ZBTB7C: variants seen among roughly 807,000 people sequenced by gnomAD.
ZBTB7C encodes the protein zinc finger and BTB domain containing 7C, also known as zinc finger and BTB domain-containing protein 7C.
ZBTB7C carries 8 observed loss-of-function variants against 25.7 expected under a neutral mutation model. The ratio of observed to expected loss-of-function variants is 0.31; its 90% CI spans 0.18 to 0.56. The LOEUF (loss-of-function observed/expected upper bound fraction) is 0.56. Among genes scored for constraint, ZBTB7C ranks in the 20% least tolerant of loss-of-function variants. The pLI is 0.91. For missense variants in ZBTB7C, 824 were observed against 855.2 expected, an observed-to-expected ratio of 0.96 and a Z score of 0.46; for synonymous variants, 394 against 369.0, an observed-to-expected ratio of 1.07 and a Z score of -0.78.
chr18:48,031,485 G>C (rs1027311316), intron 4 of ZBTB7C, among the ~76,000 whole-genome samples: 1 of 152,148 alleles, frequency 6.6e-6, no homozygotes, highest in Non-Finnish European at 1.5e-5. Context: ...AGCATGCTGT[G>C]GTCTCTGTAA....
At chr18:48,278,144 T>C (rs575572219) in intron 2 of ZBTB7C, among the ~76,000 whole-genome samples, 2 of 152,348 alleles carry the variant, frequency 1.3e-5, no homozygotes, top group Admixed American at 1.3e-4. Context: ...CCAATGACCT[T>C]CTGGGCTTGA....
chr18:48,124,250 G>C (rs541525110), intron 3 of ZBTB7C, among the ~76,000 whole-genome samples: 28 of 152,338 alleles, frequency 1.8e-4, no homozygotes, highest in South Asian at 4.1e-4. Flanking sequence ...CAACCCTCAG[G>C]CAAGCCTGGG....
chr18:48,392,208 C>T lies in ZBTB7C; in HGVS notation c.-304+17018G>A, dbSNP rs537092951. 3.9e-5 allele frequency among the ~76,000 whole-genome samples: 6 copies of T among 152,354 alleles called. No homozygotes were observed. The South Asian group carries it at 1.2e-3, about 32-fold the overall frequency. On this transcript the variant is annotated intron_variant, in intron 1 of 4. Coordinates refer to ENST00000590800, the MANE Select transcript of ZBTB7C (RefSeq NM_001318841.2). The stretch of plus-strand genomic sequence containing the variant: ...GTCCCCTTTCAAAGCACAAGATCTT[C>T]CCTTCCCACCACACATTGGGTGTCT...
chr18:48,151,287 G>A (rs1304953313), intron 3 of ZBTB7C, among the ~76,000 whole-genome samples: 1 of 152,076 alleles, frequency 6.6e-6, no homozygotes, highest in African/African-American at 2.4e-5. Flanking sequence ...CTCTACTCTG[G>A]GACACCGGGA....
At position 48,226,269 on chromosome 18, in the gene ZBTB7C, C is replaced by T. The variant is rs1391839242; in HGVS notation, c.-78-40274G>A. Among the ~76,000 whole-genome samples the T allele has an allele frequency of 2.0e-5, 3 of 152,238 alleles. No homozygotes were observed. In the East Asian group the frequency reaches 5.8e-4, roughly 29 times the overall value. Reference sequence around the variant, plus strand: ...GCTAACTGATACAGGTAGATCCCTTCATCCAGGAAACACCTCCAGGTGTCC... The same window carrying T: ...GCTAACTGATACAGGTAGATCCCTTTATCCAGGAAACACCTCCAGGTGTCC... On this transcript the variant is annotated intron_variant, in intron 2 of 4. Transcript: ENST00000590800.
intron 1 of ZBTB7C, chr18:48,346,846 G>C (rs936683494): frequency 6.6e-6 from 1 of 151,786 alleles, no homozygotes; most frequent in African/African-American, 2.4e-5. Context: ...GTGCACTGGT[G>C]GGATCTTGGG....
At chr18:48,076,305 A>G (rs1205542110) in intron 3 of ZBTB7C, among the ~76,000 whole-genome samples, 1 of 152,148 alleles carries the variant, frequency 6.6e-6, no homozygotes, top group Non-Finnish European at 1.5e-5. Flanking sequence ...CGAGTGAAGG[A>G]AGGAATTGAC....
chr18:48,331,250 A>G (rs2144911309), intron 2 of ZBTB7C, among the ~76,000 whole-genome samples: 1 of 152,264 alleles, frequency 6.6e-6, no homozygotes, highest in African/African-American at 2.4e-5. Flanking sequence ...ATGTTTGTGG[A>G]CCAAAGTCTC....
At chr18:48,241,689 T>C (rs1024625424) in intron 2 of ZBTB7C, among the ~76,000 whole-genome samples, 1 of 152,146 alleles carries the variant, frequency 6.6e-6, no homozygotes, top group Non-Finnish European at 1.5e-5. Flanking sequence ...TCAAAACCTC[T>C]GAGATACAGC....
chr18:48,185,346 C>CA (rs753878767), intron 3 of ZBTB7C: 1 of 448,870 alleles, frequency 2.2e-6, no homozygotes, highest in South Asian at 1.6e-5. Context: ...TTCTTTGTCT[C>CA]ATATGCAGGT....
chr18:48,040,957 C>A lies in ZBTB7C; in HGVS notation c.151G>T (p.Val51Phe). The A allele has an allele frequency of 6.2e-7, 1 of 1,614,174 alleles. No individual in the cohort carries two copies. Among genetic ancestry groups the A allele is most frequent in the Non-Finnish European group, 8.5e-7 (1 of 1,180,042 alleles). Reference protein sequence around the residue: ...QEQEYRTHRSVLAACSKYFKK... With the variant: ...QEQEYRTHRSFLAACSKYFKK... ...AAGTACTTGCTGCAGGCAGCCAGGACGGAGCGGTGGGTCCGATACTCCTGC... is the reference window on the plus strand; with the variant it reads ...AAGTACTTGCTGCAGGCAGCCAGGAAGGAGCGGTGGGTCCGATACTCCTGC... Residue 51 changes from valine (V) to phenylalanine (F), a missense_variant, in exon 4 of 5, where the codon GTC (valine) becomes TTC (phenylalanine). Transcript: ENST00000590800.
intron 2 of ZBTB7C, among the ~76,000 whole-genome samples, chr18:48,298,939 A>T (rs2045470859): frequency 6.6e-6 from 1 of 152,140 alleles, no homozygotes; most frequent in Admixed American, 6.5e-5. Flanking sequence ...GGGAGTTCAG[A>T]ATTAGGCAGT....
At chr18:48,186,435 G>GA (rs2042056781) in intron 2 of ZBTB7C, among the ~76,000 whole-genome samples, 1 of 152,230 alleles carries the variant, frequency 6.6e-6, no homozygotes, top group African/African-American at 2.4e-5. Flanking sequence ...ATCTGGCTCT[G>GA]AATAATAACA....
intron 2 of ZBTB7C, among the ~76,000 whole-genome samples, chr18:48,203,209 A>C (rs2042497736): frequency 6.6e-6 from 1 of 151,674 alleles, no homozygotes; most frequent in Non-Finnish European, 1.5e-5. Flanking sequence ...CAGAGACCAT[A>C]CTCCAGGAAT....
chr18:48,240,376 G>C (rs4939768), intron 2 of ZBTB7C, among the ~76,000 whole-genome samples: 148,837 of 152,284 alleles, frequency 0.98, 72,827 homozygotes, highest in Middle Eastern at 1. Flanking sequence ...AAAAGATCAT[G>C]ACCTAGGCAC....
upstream of ZBTB7C, chr18:48,409,520 G>T (rs1021291891): frequency 2.0e-5 from 3 of 148,262 alleles, no homozygotes; most frequent in South Asian, 3.8e-4. Context: ...CGCCGGCTCG[G>T]GGGGCGCACA....
At chr18:48,182,197 T>A in intron 3 of ZBTB7C, among the ~76,000 whole-genome samples, 1 of 152,182 alleles carries the variant, frequency 6.6e-6, no homozygotes, top group East Asian at 1.9e-4. Flanking sequence ...TTTCATTGCC[T>A]CATGGGGGTG....
At chr18:48,297,774 T>C (rs982375483) in intron 2 of ZBTB7C, among the ~76,000 whole-genome samples, 2 of 152,202 alleles carry the variant, frequency 1.3e-5, no homozygotes, top group African/African-American at 4.8e-5. Flanking sequence ...ATGAACTTCA[T>C]GAAGTCTCCT....
chr18:48,043,773 C>T (rs1385428487), intron 3 of ZBTB7C, among the ~76,000 whole-genome samples: 2 of 152,150 alleles, frequency 1.3e-5, no homozygotes, highest in Non-Finnish European at 2.9e-5. Flanking sequence ...TCATCTCTTA[C>T]AACTGTAGCT....
Sources: allele counts gnomAD v4.1 joint callset (sites outside exome capture counted in the v4.1 genomes callset), GRCh38; gene constraint gnomAD v4.1.1; transcripts MANE v1.5; gene names NCBI Gene and HGNC (gene_info 2026-07-23, HGNC 2026-07-21).